VWA8: variants seen among roughly 807,000 people sequenced by gnomAD.
VWA8 encodes the protein von Willebrand factor A domain containing 8.
Under a neutral mutation model 241.5 loss-of-function variants are expected in VWA8, and 221 were observed. The observed-to-expected ratio is 0.91, with a 90% CI of 0.82 to 1.02. VWA8 has a LOEUF of 1.02. VWA8 is among the 50% of genes least tolerant of loss of function. The probability of loss-of-function intolerance (pLI) is 0.00; values close to 1 mark genes in which losing one functional copy is unlikely to be tolerated. For synonymous variants in VWA8, 852 were observed against 827.1 expected (o/e 1.03, Z -0.52); for missense variants, 2,322 against 2,328.7 (o/e 1.00, Z 0.06).
chr13:41,622,801 T>C lies in VWA8; in HGVS notation c.4612-7717A>G, dbSNP rs541260072. Among the ~76,000 whole-genome samples, 5 of 152,320 alleles carry C rather than the reference T, an allele frequency of 3.3e-5. 1 individual carries two copies. In the East Asian group the frequency reaches 9.7e-4, roughly 29 times the overall value. On this transcript the variant is annotated intron_variant, in intron 37 of 44. Coordinates refer to ENST00000379310, the MANE Select transcript of VWA8 (RefSeq NM_015058.2). ...AGGCTCCTCCTTGAGTTCATGACTT[T>C]TAAAAGCCATCAATAAAATGATATA...
chr13:41,811,202 G>A (rs200020794), intron 17 of VWA8, 23 bp downstream of exon 17: 34 of 1,567,188 alleles, frequency 2.2e-5, no homozygotes, highest in South Asian at 7.9e-5. Flanking sequence ...AAACTTACAC[G>A]CAGTGAGAAA....
In VWA8 at chr13:41,675,229, A is replaced by C. The variant is rs370941665; in HGVS notation, c.4395T>G (p.Tyr1465Ter). ...VTDLQSKKLRYIPIPRSESLS... is the reference protein window; with the variant it reads ...VTDLQSKKLR ...AAATGGATTACCTGGGAATAGGGATATATCGGAGTTTCTTTGATTGAAGAT... is the reference window on the plus strand; with the variant it reads ...AAATGGATTACCTGGGAATAGGGATCTATCGGAGTTTCTTTGATTGAAGAT... Residue 1465 changes from tyrosine to a stop codon, truncating the protein, a stop_gained, in exon 36 of 45, where the codon TAT becomes TAG. Transcript: ENST00000379310. LOFTEE classifies it high-confidence loss of function. The C allele has an allele frequency of 6.2e-7, 1 of 1,611,596 alleles. No individual in the cohort carries two copies. The highest frequency in any genetic ancestry group is 8.5e-7 in the Non-Finnish European group (1 of 1,178,196).
intron 44 of VWA8, 164 bp from the exon 45 acceptor site, chr13:41,568,469 T>C (rs1381389629): frequency 2.0e-6 from 1 of 507,416 alleles, no homozygotes; most frequent in Non-Finnish European, 3.5e-6. Flanking sequence ...CATTAAACAA[T>C]GAAAGGCTTG....
At chr13:41,679,295 A>G (rs1029190666) in intron 35 of VWA8, among the ~76,000 whole-genome samples, 3 of 152,334 alleles carry the variant, frequency 2.0e-5, no homozygotes, top group African/African-American at 2.4e-5. Context: ...AAAAACTGTC[A>G]GGCAAAACAA....
chr13:41,744,102 T>C (rs1192935160), intron 21 of VWA8, among the ~76,000 whole-genome samples: 4 of 152,208 alleles, frequency 2.6e-5, no homozygotes, highest in Admixed American at 6.5e-5. Context: ...CTGGCACTCT[T>C]GCTTCCAGGT....
At chr13:41,719,549 T>C in intron 26 of VWA8, 42 bp downstream of exon 26, 2 of 1,608,102 alleles carry the variant, frequency 1.2e-6, no homozygotes, top group Non-Finnish European at 1.7e-6. Flanking sequence ...AATCAAGAAC[T>C]ATCAGCATTT....
chr13:41,800,144 T>C (rs185089268), intron 17 of VWA8, among the ~76,000 whole-genome samples: 223 of 152,368 alleles, frequency 1.5e-3, no homozygotes, highest in African/African-American at 5.0e-3. Context: ...TAACATTTCA[T>C]TGTATGGATA....
At chr13:41,620,623 C>T (rs1485832554) in intron 37 of VWA8, among the ~76,000 whole-genome samples, 1 of 152,114 alleles carries the variant, frequency 6.6e-6, no homozygotes, top group Non-Finnish European at 1.5e-5. Context: ...ATAAATTTCC[C>T]TCTACACACT....
chr13:41,764,888 G>C (rs935871050), intron 20 of VWA8, among the ~76,000 whole-genome samples: 1 of 152,088 alleles, frequency 6.6e-6, no homozygotes, highest in African/African-American at 2.4e-5. Flanking sequence ...TTCAGTTTTA[G>C]AAAATTGCTC....
In VWA8 at chr13:41,815,513, T is replaced by C. The variant is rs552185853; in HGVS notation, c.1947+1185A>G. On this transcript the variant is annotated intron_variant, in intron 16 of 44. Transcript: ENST00000379310. Reference sequence around the variant, plus strand: ...TTTGACACAAACACAGGGGAGAAGGTAATGTAAAGATGAAGGCAGGATTGA... The same window carrying C: ...TTTGACACAAACACAGGGGAGAAGGCAATGTAAAGATGAAGGCAGGATTGA... 8.7e-4 allele frequency among the ~76,000 whole-genome samples: 133 copies of C among 152,108 alleles called. 1 individual carries two copies. Among genetic ancestry groups the C allele is most frequent in the South Asian group, 5.2e-3 (25 of 4,810 alleles).
At chr13:41,574,810 G>T (rs1318049270) in intron 43 of VWA8, among the ~76,000 whole-genome samples, 1 of 152,114 alleles carries the variant, frequency 6.6e-6, no homozygotes, top group Non-Finnish European at 1.5e-5. Flanking sequence ...ACTGCTGGTG[G>T]GAATGTAAAT....
At chr13:41,732,387 T>C (rs772212141) in intron 21 of VWA8, among the ~76,000 whole-genome samples, 15 of 152,064 alleles carry the variant, frequency 9.9e-5, no homozygotes, top group Admixed American at 6.6e-4. Flanking sequence ...TTATAGATTA[T>C]CCAGATTCTT....
At chr13:41,959,606 C>CTTTTTTTTTT (rs1168629617) in intron 1 of VWA8, among the ~76,000 whole-genome samples, 15,211 of 79,186 alleles carry the variant, frequency 0.19, 4,156 homozygotes, top group Non-Finnish European at 0.26. Flanking sequence ...CCTAAATATG[C>CTTTTTTTTTT]TTTTTTTTTT....
chr13:41,774,070 A>C (rs1868468932), intron 20 of VWA8, among the ~76,000 whole-genome samples: 2 of 152,290 alleles, frequency 1.3e-5, no homozygotes, highest in South Asian at 4.1e-4. Flanking sequence ...AATCCAACTA[A>C]GCCTAAATTT....
chr13:41,877,180 T>G (rs1359467940), intron 9 of VWA8, among the ~76,000 whole-genome samples: 2 of 152,080 alleles, frequency 1.3e-5, no homozygotes, highest in Non-Finnish European at 2.9e-5. Flanking sequence ...TCATATTAAT[T>G]AACAGCAACT....
At chr13:41,881,008 A>G (rs1413275820) in intron 9 of VWA8, among the ~76,000 whole-genome samples, 1 of 152,134 alleles carries the variant, frequency 6.6e-6, no homozygotes, top group African/African-American at 2.4e-5. Context: ...AATTCCTTCT[A>G]GATTCACAAG....
intron 21 of VWA8, among the ~76,000 whole-genome samples, chr13:41,740,228 G>C (rs1187882626): frequency 1.3e-5 from 2 of 152,042 alleles, no homozygotes; most frequent in Non-Finnish European, 2.9e-5. Flanking sequence ...GACTGAAGCA[G>C]CTCTCTAAAC....
chr13:41,732,105 A>G lies in VWA8; in HGVS notation c.2477T>C (p.Leu826Pro), dbSNP rs1173913216. ...CAAAGGTGAGTCTTCATATACAATA[A>G]GTCCGTCTTTAACCGAAGGCTGAAG... ...LTLQPSVKDG[L>P]IVYEDSPLVK... The change falls in exon 22 of 45, where the codon CTT (leucine) becomes CCT (proline). Residue 826 changes from leucine to proline, a missense_variant. Coordinates refer to ENST00000379310, the MANE Select transcript of VWA8 (RefSeq NM_015058.2). 1.2e-6 allele frequency: 2 copies of G among 1,613,440 alleles called. No individual in the cohort carries two copies. Among genetic ancestry groups the G allele is most frequent in the East Asian group, 2.2e-5 (1 of 44,830 alleles).
At chr13:41,690,007 A>G (rs2045164931) in intron 33 of VWA8, among the ~76,000 whole-genome samples, 159 bp downstream of exon 33, 1 of 152,136 alleles carries the variant, frequency 6.6e-6, no homozygotes, top group South Asian at 2.1e-4. Flanking sequence ...AATTTGAGAT[A>G]CTAGATTCTT....
Sources: gnomAD v4.1 joint callset for allele counts (sites outside exome capture counted in the v4.1 genomes callset) on GRCh38, gnomAD v4.1.1 for gene constraint, MANE v1.5 for transcripts, NCBI Gene and HGNC (gene_info 2026-07-23, HGNC 2026-07-21) for gene names.